The following ME1 variants were observed in gnomAD, a reference collection of about 807,000 sequenced individuals.
ME1 encodes the protein NADP-dependent malic enzyme.
ME1 carries 74 observed loss-of-function variants against 66.4 expected under a neutral mutation model. That is an observed-to-expected ratio of 1.11 (90% CI 0.92 to 1.35). The LOEUF (loss-of-function observed/expected upper bound fraction) is 1.35, where lower values mean the gene tolerates loss of function less well. Among genes scored for constraint, ME1 ranks in the 40% most tolerant of loss-of-function variants. The pLI is 0.00. For missense variants in ME1, 750 were observed against 694.1 expected (o/e 1.08, Z -0.90); for synonymous variants, 251 against 235.6 (o/e 1.07, Z -0.60).
chr6:83,234,455 T>A (rs1790360601), intron 9 of ME1, among the ~76,000 whole-genome samples: 1 of 152,132 alleles, frequency 6.6e-6, no homozygotes. Flanking sequence ...TGTGTGAAAC[T>A]GATCCTGTTA....
At chr6:83,280,901 AAATT>A (rs767939808) in intron 6 of ME1, among the ~76,000 whole-genome samples, 1 of 152,240 alleles carries the variant, frequency 6.6e-6, no homozygotes. Flanking sequence ...TTGAAGAAAT[AAATT>A]AATTGACATT....
At chr6:83,310,349 T>C (rs1305795073) in intron 6 of ME1, among the ~76,000 whole-genome samples, 2 of 152,210 alleles carry the variant, frequency 1.3e-5, no homozygotes, top group Non-Finnish European at 2.9e-5. Context: ...GGGAAAGCTG[T>C]CATGGTGCCT....
chr6:83,334,139 C>G (rs1015189030), intron 5 of ME1, among the ~76,000 whole-genome samples: 2 of 152,074 alleles, frequency 1.3e-5, no homozygotes, highest in African/African-American at 4.8e-5. Flanking sequence ...CAGGTCGAGG[C>G]ATTGCCTCAC....
chr6:83,396,124 G>A (rs1343053412), intron 3 of ME1, among the ~76,000 whole-genome samples: 1 of 152,142 alleles, frequency 6.6e-6, no homozygotes, highest in African/African-American at 2.4e-5. Context: ...GGCATTTTGG[G>A]AGGCTGAGGC....
chr6:83,430,504 T>C (rs1770465441), intron 1 of ME1, among the ~76,000 whole-genome samples: 1 of 152,266 alleles, frequency 6.6e-6, no homozygotes, highest in African/African-American at 2.4e-5. Context: ...ACATGGAGTC[T>C]GACCTGGCAC....
intron 6 of ME1, among the ~76,000 whole-genome samples, chr6:83,313,934 G>A (rs1767977427): frequency 6.6e-6 from 1 of 152,138 alleles, no homozygotes; most frequent in Non-Finnish European, 1.5e-5. Context: ...TGTTGTGCAA[G>A]CTGATGAAAG....
intron 3 of ME1, among the ~76,000 whole-genome samples, chr6:83,353,142 A>G (rs977183960): frequency 6.6e-6 from 1 of 152,212 alleles, no homozygotes; most frequent in Non-Finnish European, 1.5e-5. Flanking sequence ...ATAGGTTAAC[A>G]TGTTAATCTT....
chr6:83,303,255 C>A (rs1767761488), intron 6 of ME1, among the ~76,000 whole-genome samples: 1 of 152,118 alleles, frequency 6.6e-6, no homozygotes, highest in Non-Finnish European at 1.5e-5. Flanking sequence ...CTTATGTAAA[C>A]CCACATCTTA....
chr6:83,416,932 A>G (rs1054429822), intron 1 of ME1, among the ~76,000 whole-genome samples: 7 of 151,336 alleles, frequency 4.6e-5, no homozygotes, highest in Admixed American at 3.3e-4. Context: ...TGTCTTTGTC[A>G]TAATAGAAAT....
At chr6:83,354,696 CTG>C (rs1249484058) in intron 3 of ME1, among the ~76,000 whole-genome samples, 3 of 152,166 alleles carry the variant, frequency 2.0e-5, no homozygotes, top group Admixed American at 1.3e-4. Flanking sequence ...TGTTAACTGT[CTG>C]TGTCTTCCCT....
intron 3 of ME1, among the ~76,000 whole-genome samples, chr6:83,395,451 G>A (rs939829278): frequency 6.6e-6 from 1 of 151,212 alleles, no homozygotes; most frequent in African/African-American, 2.4e-5. Flanking sequence ...AATTGATTTG[G>A]AAATACTTTC....
chr6:83,430,737 C>T (rs1007615334), intron 1 of ME1, 140 bp downstream of exon 1: 13 of 659,642 alleles, frequency 2.0e-5, no homozygotes, highest in Middle Eastern at 7.9e-4. Context: ...CACACCAAGG[C>T]CCCCCAGGCC....
At chr6:83,287,006 T>G (rs1014246994) in intron 6 of ME1, among the ~76,000 whole-genome samples, 5 of 152,290 alleles carry the variant, frequency 3.3e-5, no homozygotes, top group Middle Eastern at 3.4e-3. Flanking sequence ...GCACTTTATA[T>G]GAACTGTAAA....
At chr6:83,289,399 TGA>T (rs1451169654) in intron 6 of ME1, among the ~76,000 whole-genome samples, 1 of 152,232 alleles carries the variant, frequency 6.6e-6, no homozygotes, top group Non-Finnish European at 1.5e-5. Flanking sequence ...CTGCATCTAT[TGA>T]GATAATCATG....
chr6:83,425,840 T>C (rs908107377), intron 1 of ME1, among the ~76,000 whole-genome samples: 1 of 152,226 alleles, frequency 6.6e-6, no homozygotes, highest in Non-Finnish European at 1.5e-5. Flanking sequence ...CTCATGTTTT[T>C]AGAGAACATT....
chr6:83,291,697 A>G (rs917638737), intron 6 of ME1, among the ~76,000 whole-genome samples: 9 of 152,086 alleles, frequency 5.9e-5, no homozygotes, highest in African/African-American at 2.2e-4. Flanking sequence ...TCTCCTGCAT[A>G]ATATCCTGAA....
chr6:83,353,102 T>C (rs918111830), intron 3 of ME1, among the ~76,000 whole-genome samples: 2 of 152,196 alleles, frequency 1.3e-5, no homozygotes, highest in African/African-American at 4.8e-5. Flanking sequence ...TTTCCCTCAA[T>C]ATAGATTTGG....
At chr6:83,344,119 A>AG (rs1241610461) in intron 5 of ME1, among the ~76,000 whole-genome samples, 1 of 151,870 alleles carries the variant, frequency 6.6e-6, no homozygotes, top group African/African-American at 2.4e-5. Context: ...TAAAAAAAAA[A>AG]AAAAAGGTTA....
chr6:83,343,949 C>T (rs183329823), intron 5 of ME1, among the ~76,000 whole-genome samples: 48 of 152,038 alleles, frequency 3.2e-4, no homozygotes, highest in African/African-American at 1.1e-3. Context: ...TTCACTAGTG[C>T]ACAGCTTTTT....
Sources: gnomAD v4.1 joint callset for allele counts (sites outside exome capture counted in the v4.1 genomes callset) on GRCh38, gnomAD v4.1.1 for gene constraint, MANE v1.5 for transcripts, NCBI Gene and HGNC (gene_info 2026-07-23, HGNC 2026-07-21) for gene names.